The following SYCE3 variants were observed in gnomAD, a reference collection of about 807,000 sequenced individuals.
SYCE3 encodes the protein synaptonemal complex central element protein 3.
Under a neutral mutation model 8.1 loss-of-function variants are expected in SYCE3, and 3 were observed. The ratio of observed to expected loss-of-function variants is 0.37; its 90% confidence interval spans 0.17 to 0.96. The LOEUF is 0.96. SYCE3 is among the 40% of genes least tolerant of loss of function. The probability of loss-of-function intolerance (pLI) is 0.41; values close to 1 mark genes in which losing one functional copy is unlikely to be tolerated. For synonymous variants in SYCE3, 36 were observed against 38.7 expected (o/e 0.93, Z 0.26); for missense variants, 83 against 110.0 (o/e 0.75, Z 1.10).
chr22:50,558,188 C>CCAAG (rs2069879134), intron 1 of SYCE3, among the ~76,000 whole-genome samples: 1 of 152,124 alleles, frequency 6.6e-6, no homozygotes, highest in Non-Finnish European at 1.5e-5. Flanking sequence ...CTTTGGGAGG[C>CCAAG]CGAGGTGGGT....
intron 1 of SYCE3, 133 bp downstream of exon 1, chr22:50,562,725 G>C (rs1173949783): frequency 6.6e-6 from 1 of 151,212 alleles, no homozygotes; most frequent in East Asian, 2.0e-4. Flanking sequence ...AGTCGGGTGA[G>C]TGGAGTTGGG....
chr22:50,552,501 T>C lies in SYCE3; in HGVS notation c.110-1099A>G, dbSNP rs1292620426. On this transcript the variant is annotated intron_variant, in intron 2 of 2. Transcript: ENST00000406915. ...GTTCCTGGCCCATCTCTACTAAAAA[T>C]ATAAAAATTAGCCGGGTGTGGTGGT... 2.0e-5 allele frequency among the ~76,000 whole-genome samples: 3 copies of C among 152,100 alleles called. No homozygotes were observed. In the East Asian group the frequency reaches 5.8e-4, roughly 29 times the overall value.
intron 2 of SYCE3, among the ~76,000 whole-genome samples, chr22:50,555,603 C>T (rs1338698389): frequency 6.6e-6 from 1 of 152,202 alleles, no homozygotes; most frequent in Non-Finnish European, 1.5e-5. Context: ...GAGGCTTCAT[C>T]TGCATGATAA....
In SYCE3 at chr22:50,556,293, C is replaced by G; in HGVS notation, c.109+4G>C. ...TCAGATACTTTTGGGTTCACACATC[C>G]TACCTGAGATTTTCTCCATCTCTTC... On this transcript the variant is annotated splice_donor_region_variant and intron_variant, in intron 2 of 2. Transcript: ENST00000406915. 1 of 1,545,622 alleles carries G rather than the reference C, an allele frequency of 6.5e-7. No homozygotes were observed. The highest frequency in any genetic ancestry group is 8.8e-7 in the Non-Finnish European group (1 of 1,141,818).
chr22:50,554,993 G>A (rs2069845414), intron 2 of SYCE3, among the ~76,000 whole-genome samples: 2 of 151,510 alleles, frequency 1.3e-5, no homozygotes, highest in Admixed American at 1.3e-4. Context: ...GTGGTGGCGG[G>A]CGCCTGTAGT....
At chr22:50,556,877 C>T (rs1210215735) in intron 1 of SYCE3, among the ~76,000 whole-genome samples, 17 of 152,050 alleles carry the variant, frequency 1.1e-4, no homozygotes, top group Admixed American at 7.9e-4. Context: ...TGACAGATGT[C>T]GAAGCAGTTA....
chr22:50,561,052 C>T (rs1293369261), intron 1 of SYCE3, among the ~76,000 whole-genome samples: 1 of 152,084 alleles, frequency 6.6e-6, no homozygotes, highest in Admixed American at 6.5e-5. Context: ...GTCCTCAGGA[C>T]CCTAAGACGG....
At chr22:50,558,659 G>C (rs982259607) in intron 1 of SYCE3, among the ~76,000 whole-genome samples, 6 of 152,174 alleles carry the variant, frequency 3.9e-5, no homozygotes, top group African/African-American at 1.4e-4. Context: ...TTTTTGGTAA[G>C]TAGGAATAGT....
chr22:50,557,378 A>G (rs1186307763), intron 1 of SYCE3, among the ~76,000 whole-genome samples: 1 of 151,258 alleles, frequency 6.6e-6, no homozygotes, highest in African/African-American at 2.4e-5. Flanking sequence ...CTGGTCTCAA[A>G]CTCCTGACCT....
At chr22:50,557,347 G>C (rs1381102044) in intron 1 of SYCE3, among the ~76,000 whole-genome samples, 1 of 151,840 alleles carries the variant, frequency 6.6e-6, no homozygotes, top group Middle Eastern at 3.2e-3. Flanking sequence ...GTAGAGATGG[G>C]GTTTCTCCAT....
intron 2 of SYCE3, among the ~76,000 whole-genome samples, chr22:50,553,055 G>T (rs898553076): frequency 8.5e-5 from 13 of 152,096 alleles, no homozygotes; most frequent in African/African-American, 2.7e-4. Context: ...AAATTTAGCT[G>T]GGCATGGTGG....
At chr22:50,558,586 G>T (rs1425271723) in intron 1 of SYCE3, among the ~76,000 whole-genome samples, 1 of 152,212 alleles carries the variant, frequency 6.6e-6, no homozygotes, top group Non-Finnish European at 1.5e-5. Context: ...GGTCTTTCGG[G>T]ATCTGTAAAG....
chr22:50,557,218 A>G (rs6009999), intron 1 of SYCE3, among the ~76,000 whole-genome samples: 12,576 of 149,212 alleles, frequency 0.084, 1,178 homozygotes, highest in African/African-American at 0.23. Flanking sequence ...GCACAGTGGC[A>G]CGATCTCGGC....
At chr22:50,555,101 G>A (rs1293661439) in intron 2 of SYCE3, among the ~76,000 whole-genome samples, 1 of 42,032 alleles carries the variant, frequency 2.4e-5, no homozygotes, top group Non-Finnish European at 4.2e-5. Flanking sequence ...CAGCCTGGGC[G>A]ACAGAGCGAG....
At chr22:50,556,935 G>A (rs1189470647) in intron 1 of SYCE3, among the ~76,000 whole-genome samples, 12 of 151,978 alleles carry the variant, frequency 7.9e-5, no homozygotes, top group East Asian at 1.9e-4. Context: ...AGGCGGGTAC[G>A]TTTAATTTTA....
intron 1 of SYCE3, among the ~76,000 whole-genome samples, chr22:50,560,429 A>C (rs1487271082): frequency 1.3e-5 from 2 of 152,214 alleles, no homozygotes; most frequent in Non-Finnish European, 2.9e-5. Flanking sequence ...ACTAGGCTAC[A>C]GAGGAAGATC....
intron 1 of SYCE3, among the ~76,000 whole-genome samples, chr22:50,557,725 AATAG>A (rs896670198): frequency 6.8e-5 from 8 of 118,114 alleles, no homozygotes; most frequent in African/African-American, 2.1e-4. Flanking sequence ...AAAAGAGAGA[AATAG>A]ATAAATAATG....
intron 1 of SYCE3, among the ~76,000 whole-genome samples, chr22:50,561,422 T>C (rs948704928): frequency 6.6e-6 from 1 of 151,458 alleles, no homozygotes; most frequent in African/African-American, 2.4e-5. Context: ...CCTAATGAGG[T>C]TGCCTGGGAT....
At chr22:50,562,626 C>A (rs1266710703) in intron 1 of SYCE3, among the ~76,000 whole-genome samples, 3 of 55,400 alleles carry the variant, frequency 5.4e-5, no homozygotes, top group Non-Finnish European at 1.0e-4. Flanking sequence ...GGTGAGGAGG[C>A]GGGTGAGCGG....
Sources: allele counts gnomAD v4.1 joint callset (sites outside exome capture counted in the v4.1 genomes callset), GRCh38; gene constraint gnomAD v4.1.1; transcripts MANE v1.5; gene names NCBI Gene and HGNC (gene_info 2026-07-23, HGNC 2026-07-21).